Variants in NUCB2 observed in about 807,000 individuals in gnomAD.
NUCB2 encodes the protein nucleobindin-2.
NUCB2 carries 48 observed loss-of-function variants against 57.9 expected under a neutral mutation model. The observed-to-expected ratio is 0.83, with a 90% confidence interval of 0.66 to 1.05. The LOEUF is 1.05. Among genes scored for constraint, NUCB2 ranks in the 50% least tolerant of loss-of-function variants. NUCB2 has a pLI of 0.00. For missense variants in NUCB2, 442 were observed against 476.2 expected, an observed-to-expected ratio of 0.93 and a Z score of 0.67; for synonymous variants, 139 against 152.1, an observed-to-expected ratio of 0.91 and a Z score of 0.64.
At chr11:17,348,159 T>C (rs1226043123) in intron 2 of NUCB2, among the ~76,000 whole-genome samples, 2 of 151,944 alleles carry the variant, frequency 1.3e-5, no homozygotes, top group African/African-American at 4.8e-5. Context: ...TGTTGGCCAG[T>C]TGGTCTTGAA....
Position 17,339,080 on chromosome 11 carries a change from C to T in NUCB2, n.2626+1546C>T, listed in dbSNP as rs578224140. On this transcript the variant is annotated intron_variant and non_coding_transcript_variant, in intron 2 of 2. Coordinates refer to the NUCB2 transcript ENST00000532240. ...TTGCCTCACTGCAGCCTCTGCCTCC[C>T]GGGTTCAAGTGATTCTCCTGCCTCA... 2.4e-3 allele frequency among the ~76,000 whole-genome samples: 359 copies of T among 152,204 alleles called. 2 individuals are homozygous for T. Among genetic ancestry groups the T allele is most frequent in the African/African-American group, 8.1e-3 (335 of 41,508 alleles).
chr11:17,298,054 C>T lies in NUCB2; in HGVS notation c.252+1843C>T, dbSNP rs540379120. On this transcript the variant is annotated intron_variant, in intron 4 of 13. Transcript: ENST00000529010. ...CCGAGATTGTTCCACTGCACTTCAG[C>T]CTGGGCAACAGAGTGAGACTTCGTC... 7.7e-5 allele frequency among the ~76,000 whole-genome samples: 11 copies of T among 143,768 alleles called. No homozygotes were observed. The South Asian group carries it at 2.5e-3, about 33-fold the overall frequency. 94.3% of individuals were successfully genotyped at this position (143,768 alleles called of 152,430 possible).
chr11:17,288,959 A>ATTTTT (rs532223454), intron 2 of NUCB2, among the ~76,000 whole-genome samples: 1 of 66,928 alleles, frequency 1.5e-5, no homozygotes, highest in Non-Finnish European at 2.6e-5. Context: ...ACATATATAT[A>ATTTTT]TATATTTTTT....
At chr11:17,300,090 A>T (rs1454651187) in intron 4 of NUCB2, among the ~76,000 whole-genome samples, 1 of 151,802 alleles carries the variant, frequency 6.6e-6, no homozygotes, top group African/African-American at 2.4e-5. Context: ...AGCTTACTAC[A>T]ACCTCCACCT....
intron 11 of NUCB2, among the ~76,000 whole-genome samples, chr11:17,322,300 C>A (rs1950129993): frequency 6.6e-6 from 1 of 152,094 alleles, no homozygotes; most frequent in South Asian, 2.1e-4. Context: ...AAGCTTCATT[C>A]TTCTGCATAT....
chr11:17,285,968 A>C (rs1328000403), intron 2 of NUCB2, among the ~76,000 whole-genome samples: 4 of 142,856 alleles, frequency 2.8e-5, no homozygotes, highest in African/African-American at 5.3e-5. Flanking sequence ...CACACACACA[A>C]AGCAAACTTA....
chr11:17,312,054 T>C lies in NUCB2; in HGVS notation c.846T>C (p.Asn282=). ...TGGAGAAAGTATATGACCCTAAAAATGAAGAGGATGATATGGTAGAAATGG... is the reference window on the plus strand; with the variant it reads ...TGGAGAAAGTATATGACCCTAAAAACGAAGAGGATGATATGGTAGAAATGG... The part of the protein sequence containing the change: ...KELEKVYDPK[N]EEDDMVEMEE... Residue 282 remains asparagine (N), a synonymous_variant, in exon 10 of 14, where the codon AAT becomes AAC. Transcript: ENST00000529010. 1 of 1,587,636 alleles carries C rather than the reference T, an allele frequency of 6.3e-7. No homozygotes were observed. The highest frequency in any genetic ancestry group is 8.6e-7 in the Non-Finnish European group (1 of 1,167,792).
rs1203875498 is a variant in NUCB2, at chr11:17,343,057, T to C, written n.2626+5523T>C. On this transcript the variant is annotated intron_variant and non_coding_transcript_variant, in intron 2 of 2. Transcript: ENST00000532240. The stretch of plus-strand genomic sequence containing the variant: ...TCTTCTTGTTGAATTGATCCCTTTA[T>C]CATTATGTAATGGCCTTCTTTGTCT... Among the ~76,000 whole-genome samples, 8 of 151,714 alleles carry C rather than the reference T, an allele frequency of 5.3e-5. No homozygotes were observed. In the East Asian group the frequency reaches 9.7e-4, roughly 18 times the overall value.
At position 17,328,066 on chromosome 11, in the gene NUCB2, C is replaced by T. The variant is rs1396734325; in HGVS notation, c.1003-2061C>T. Among the ~76,000 whole-genome samples the T allele has an allele frequency of 4.6e-5, 7 of 152,232 alleles. No individual in the cohort carries two copies. The East Asian group carries it at 1.2e-3, about 25-fold the overall frequency. On this transcript the variant is annotated intron_variant, in intron 11 of 13. Coordinates refer to ENST00000529010, the MANE Select transcript of NUCB2 (RefSeq NM_005013.4). ...ACACTCTGGGTTTGTTTGTGCATGT[C>T]CTTCTTTGGAAAGCTTTCCAGGTAT...
intron 2 of NUCB2, among the ~76,000 whole-genome samples, chr11:17,285,022 C>T (rs957271645): frequency 6.6e-6 from 1 of 151,936 alleles, no homozygotes; most frequent in Admixed American, 6.6e-5. Flanking sequence ...TCAATACATA[C>T]ATACATACAT....
chr11:17,345,037 T>C (rs1249465187), intron 2 of NUCB2, among the ~76,000 whole-genome samples: 2 of 152,244 alleles, frequency 1.3e-5, no homozygotes, highest in African/African-American at 4.8e-5. Flanking sequence ...AGAAATAGTA[T>C]CTGTGTAGTA....
intron 5 of NUCB2, among the ~76,000 whole-genome samples, chr11:17,305,195 A>G (rs977828508): frequency 6.6e-6 from 1 of 152,150 alleles, no homozygotes; most frequent in East Asian, 1.9e-4. Flanking sequence ...ATGGTAGCAC[A>G]TGCCTGTAAT....
At chr11:17,341,469 T>C (rs2139621347) in intron 2 of NUCB2, among the ~76,000 whole-genome samples, 1 of 152,130 alleles carries the variant, frequency 6.6e-6, no homozygotes, top group East Asian at 1.9e-4. Flanking sequence ...AGATAGCTCT[T>C]ATTATTTTGA....
At chr11:17,339,495 TC>T (rs1019210159) in intron 2 of NUCB2, among the ~76,000 whole-genome samples, 3 of 94,222 alleles carry the variant, frequency 3.2e-5, no homozygotes, top group African/African-American at 1.3e-4. Context: ...ATGCTATCCC[TC>T]CCCCCTCCCC....
At chr11:17,297,325 T>C (rs1945981361) in intron 4 of NUCB2, among the ~76,000 whole-genome samples, 1 of 152,238 alleles carries the variant, frequency 6.6e-6, no homozygotes, top group Non-Finnish European at 1.5e-5. Context: ...TTTTAGTTTC[T>C]GTTCTTGGTG....
At chr11:17,331,322 T>A (rs1012663564) in intron 13 of NUCB2, 90 bp from the exon 14 acceptor site, 2 of 684,510 alleles carry the variant, frequency 2.9e-6, no homozygotes, top group South Asian at 6.4e-5. Flanking sequence ...CTAAGCATAT[T>A]TTTTAAAACA....
intron 6 of NUCB2, among the ~76,000 whole-genome samples, chr11:17,310,562 G>A (rs1455001928): frequency 2.0e-5 from 3 of 152,058 alleles, no homozygotes; most frequent in Admixed American, 6.6e-5. Context: ...TGGGATAATC[G>A]CTTGAACCAA....
chr11:17,293,014 G>A (rs1945194452), intron 2 of NUCB2, among the ~76,000 whole-genome samples: 1 of 152,126 alleles, frequency 6.6e-6, no homozygotes. Context: ...AGCACTTTGG[G>A]AGGCTGAGCT....
rs1238146704 is a variant in NUCB2, at chr11:17,282,937, C to T, written c.-7C>T. On this transcript the variant is annotated 5_prime_UTR_variant, in exon 2 of 14. Coordinates refer to ENST00000529010, the MANE Select transcript of NUCB2 (RefSeq NM_005013.4). ...AAAGGAGATAAAAATTATTTACCTG[C>T]CTGAACGTAAGTACTCAATAATTGC... 1 of 151,988 alleles carries T rather than the reference C, an allele frequency of 6.6e-6. No homozygotes were observed. The highest frequency in any genetic ancestry group is 2.4e-5 in the African/African-American group (1 of 41,380). 9.4% of individuals were successfully genotyped at this position (151,988 alleles called of 1,614,324 possible).
Sources: allele counts gnomAD v4.1 joint callset (sites outside exome capture counted in the v4.1 genomes callset), GRCh38; gene constraint gnomAD v4.1.1; transcripts MANE v1.5; gene names NCBI Gene and HGNC (gene_info 2026-07-23, HGNC 2026-07-21).